ITGA9: variants seen among roughly 807,000 people sequenced by gnomAD.
ITGA9 encodes integrin alpha-9.
A neutral mutation model predicts 127.8 loss-of-function variants in ITGA9; 56 were observed. That is an observed-to-expected ratio of 0.44 (90% CI 0.35 to 0.55). ITGA9 has a LOEUF of 0.55. Among genes scored for constraint, ITGA9 ranks in the 20% least tolerant of loss-of-function variants. The pLI is 0.00. For missense variants in ITGA9, 1,196 were observed against 1,347.1 expected, an observed-to-expected ratio of 0.89 and a Z score of 1.76; for synonymous variants, 508 against 514.5, an observed-to-expected ratio of 0.99 and a Z score of 0.17.
intron 17 of ITGA9, among the ~76,000 whole-genome samples, chr3:37,682,113 G>A (rs1275580413): frequency 6.6e-6 from 1 of 152,002 alleles, no homozygotes; most frequent in African/African-American, 2.4e-5. Flanking sequence ...ATAAAAAAGA[G>A]CAAAAAAACT....
At chr3:37,584,144 G>A (rs9837446) in intron 15 of ITGA9, among the ~76,000 whole-genome samples, 1 of 152,210 alleles carries the variant, frequency 6.6e-6, no homozygotes, top group South Asian at 2.1e-4. Flanking sequence ...TGGGATGGTT[G>A]GACAGTTCTG....
At chr3:37,652,088 GAC>G (rs555676394) in intron 16 of ITGA9, among the ~76,000 whole-genome samples, 92 of 151,618 alleles carry the variant, frequency 6.1e-4, no homozygotes, top group South Asian at 1.0e-3. Flanking sequence ...GGTTTTGTGA[GAC>G]CTGAGGCTTA....
At chr3:37,779,469 C>T (rs888436014) in intron 24 of ITGA9, among the ~76,000 whole-genome samples, 3 of 152,170 alleles carry the variant, frequency 2.0e-5, no homozygotes. Context: ...CTTCTTAGCC[C>T]TCTTATTCAC....
chr3:37,729,311 T>A (rs1227840606), intron 18 of ITGA9, among the ~76,000 whole-genome samples: 2 of 152,124 alleles, frequency 1.3e-5, no homozygotes, highest in African/African-American at 4.8e-5. Flanking sequence ...ATCCATGACA[T>A]CCCTTCCTGT....
intron 15 of ITGA9, among the ~76,000 whole-genome samples, chr3:37,594,827 TAGAGCGCAG>T (rs1699853775): frequency 6.6e-6 from 1 of 152,192 alleles, no homozygotes; most frequent in African/African-American, 2.4e-5. Flanking sequence ...TTGCCCAGGC[TAGAGCGCAG>T]TAACTATTCA....
chr3:37,532,407 G>A (rs1430122497), intron 13 of ITGA9, among the ~76,000 whole-genome samples: 1 of 152,198 alleles, frequency 6.6e-6, no homozygotes, highest in Non-Finnish European at 1.5e-5. Flanking sequence ...TTGTACACAG[G>A]GGCATCATTG....
intron 15 of ITGA9, among the ~76,000 whole-genome samples, chr3:37,579,819 G>T (rs1371307047): frequency 6.6e-6 from 1 of 152,088 alleles, no homozygotes; most frequent in African/African-American, 2.4e-5. Context: ...CCCACATGTT[G>T]GAGTTATAGC....
chr3:37,732,602 G>C lies in ITGA9; in HGVS notation c.2068-110G>C. On this transcript the variant is annotated intron_variant, in intron 18 of 27. Transcript: ENST00000264741. Reference sequence around the variant, plus strand: ...CTGGTCAGGGCATCTCGTCCCACTGGTGCCTACCGTCTGAGCACTGCTCTG... The same window carrying C: ...CTGGTCAGGGCATCTCGTCCCACTGCTGCCTACCGTCTGAGCACTGCTCTG... 4 of 807,172 alleles carry C rather than the reference G, an allele frequency of 5.0e-6. No individual in the cohort carries two copies. The South Asian group carries it at 5.8e-5, about 12-fold the overall frequency. The allele number at this position is 807,172 out of a possible 1,614,324, so 50.0% of individuals were successfully genotyped here. A position where few individuals can be genotyped will look rare whatever the true frequency, so the allele number is the denominator to read the frequency against.
intron 23 of ITGA9, among the ~76,000 whole-genome samples, chr3:37,774,114 C>T (rs1455712139): frequency 8.5e-5 from 13 of 152,226 alleles, no homozygotes; most frequent in Non-Finnish European, 1.5e-4. Context: ...CACACACCAA[C>T]GCCCACTTGC....
chr3:37,588,355 C>T (rs906629843), intron 15 of ITGA9, among the ~76,000 whole-genome samples: 7 of 149,478 alleles, frequency 4.7e-5, no homozygotes, highest in African/African-American at 1.7e-4. Flanking sequence ...GACTCCATCC[C>T]GCATGGCAAT....
chr3:37,552,312 G>A (rs1486602018), intron 15 of ITGA9, among the ~76,000 whole-genome samples: 2 of 152,216 alleles, frequency 1.3e-5, no homozygotes, highest in East Asian at 1.9e-4. Context: ...AGGAAGCCTG[G>A]CCCCTGAAGC....
chr3:37,629,381 C>A lies in ITGA9; in HGVS notation c.1839+45C>A. On this transcript the variant is annotated intron_variant, in intron 16 of 27. Transcript: ENST00000264741. The surrounding 1 kb of genome is among the most constrained non-coding windows in gnomAD (Gnocchi z 4.5). ...TACTCAGCACCCAAGGTGGCAGCTG[C>A]ACAGAGCAGAAATAATGGCCCAAAA... 1 of 1,607,758 alleles carries A rather than the reference C, an allele frequency of 6.2e-7. No individual in the cohort carries two copies. The highest frequency in any genetic ancestry group is 1.3e-5 in the African/African-American group (1 of 74,958).
chr3:37,763,786 C>T (rs1430322846), intron 23 of ITGA9, among the ~76,000 whole-genome samples: 1 of 152,216 alleles, frequency 6.6e-6, no homozygotes, highest in Non-Finnish European at 1.5e-5. Flanking sequence ...ACATTTTTAT[C>T]TATGCTGCTC....
intron 5 of ITGA9, among the ~76,000 whole-genome samples, chr3:37,497,161 G>A (rs974492527): frequency 3.3e-5 from 5 of 152,032 alleles, no homozygotes; most frequent in African/African-American, 1.2e-4. Context: ...TGTTGTTGTT[G>A]TTGTTTTCCT....
intron 15 of ITGA9, among the ~76,000 whole-genome samples, chr3:37,580,306 C>G (rs961611656): frequency 6.6e-6 from 1 of 152,130 alleles, no homozygotes; most frequent in Non-Finnish European, 1.5e-5. Flanking sequence ...AATTTATGTT[C>G]CACCACAAGA....
chr3:37,700,264 G>A (rs535875995), intron 18 of ITGA9, among the ~76,000 whole-genome samples: 10 of 152,284 alleles, frequency 6.6e-5, no homozygotes, highest in Admixed American at 3.9e-4. Flanking sequence ...GATGACAGGT[G>A]TGAGCCACTG....
At chr3:37,605,881 A>C (rs1478282104) in intron 15 of ITGA9, among the ~76,000 whole-genome samples, 1 of 151,730 alleles carries the variant, frequency 6.6e-6, no homozygotes, top group African/African-American at 2.4e-5. Flanking sequence ...AAATGATTAA[A>C]CCCTTTTTTT....
chr3:37,788,936 A>G (rs1697072394), intron 26 of ITGA9, among the ~76,000 whole-genome samples: 1 of 152,224 alleles, frequency 6.6e-6, no homozygotes, highest in Admixed American at 6.5e-5. Context: ...CAAAGCAGAA[A>G]TGCCCAACAT....
In ITGA9 at chr3:37,597,395, C is replaced by T. The variant is rs1341246303; in HGVS notation, c.1690-31792C>T. ...TGCAGGATAGGTGACAGATATGAAACGATAAATGTGGAGGCAGGGAGACCA... is the reference window on the plus strand; with the variant it reads ...TGCAGGATAGGTGACAGATATGAAATGATAAATGTGGAGGCAGGGAGACCA... On this transcript the variant is annotated intron_variant, in intron 15 of 27. Coordinates refer to ENST00000264741, the MANE Select transcript of ITGA9 (RefSeq NM_002207.3). This position sits in a 1 kb window ranked among gnomAD's most constrained non-coding sequence, Gnocchi z 4.6. 4.0e-5 allele frequency among the ~76,000 whole-genome samples: 6 copies of T among 151,642 alleles called. No individual in the cohort carries two copies. Among genetic ancestry groups the T allele is most frequent in the South Asian group, 2.1e-4 (1 of 4,782 alleles).
Sources: allele counts gnomAD v4.1 joint callset (sites outside exome capture counted in the v4.1 genomes callset), GRCh38; gene constraint gnomAD v4.1.1; non-coding constraint Gnocchi (gnomAD v3.1); transcripts MANE v1.5; gene names NCBI Gene and HGNC (gene_info 2026-07-23, HGNC 2026-07-21).